The following CERS6 variants were observed in gnomAD, a reference collection of about 807,000 sequenced individuals.
The protein encoded by CERS6 is LAG1 homolog, ceramide synthase 6.
A neutral mutation model predicts 56.8 loss-of-function variants in CERS6; 26 were observed. The ratio of observed to expected loss-of-function variants is 0.46; its 90% confidence interval spans 0.34 to 0.63. CERS6 has a LOEUF of 0.63. Ranked by LOEUF, CERS6 falls within the 30% of genes least tolerant of loss-of-function variation. The pLI is 0.01. For synonymous variants in CERS6, 164 were observed against 173.3 expected, an observed-to-expected ratio of 0.95 and a Z score of 0.42; for missense variants, 415 against 467.5, an observed-to-expected ratio of 0.89 and a Z score of 1.04.
At position 168,756,189 on chromosome 2, in the gene CERS6, C is replaced by T. The variant is rs140764557; in HGVS notation, c.846-9403C>T. ...GAGGATGGGAGGCTGGTTTTATACT[C>T]TTTTAGAAAACTGGAAAAGTAAGTC... On this transcript the variant is annotated intron_variant, in intron 8 of 9. Transcript: ENST00000305747. Among the ~76,000 whole-genome samples the T allele has an allele frequency of 1.7e-3, 264 of 152,280 alleles. 1 individual carries two copies. The highest frequency in any genetic ancestry group is 6.1e-3 in the African/African-American group (255 of 41,566).
At chr2:168,538,826 CTTCT>C (rs549626520) in intron 1 of CERS6, among the ~76,000 whole-genome samples, 69 of 152,320 alleles carry the variant, frequency 4.5e-4, no homozygotes, top group African/African-American at 1.6e-3. Flanking sequence ...TGTGGCCTTT[CTTCT>C]TTGTCTGACA....
intron 4 of CERS6, among the ~76,000 whole-genome samples, chr2:168,674,161 T>G (rs1194011389): frequency 6.6e-6 from 1 of 152,232 alleles, no homozygotes; most frequent in Non-Finnish European, 1.5e-5. Flanking sequence ...GTCTAAGATG[T>G]TTTTGAGAGA....
chr2:168,594,684 T>C (rs1683754963), intron 3 of CERS6, among the ~76,000 whole-genome samples: 1 of 152,212 alleles, frequency 6.6e-6, no homozygotes, highest in Admixed American at 6.5e-5. Flanking sequence ...GTGTAAGTCC[T>C]GCTTACCCTT....
At chr2:168,460,989 A>G (rs1009019327) in intron 1 of CERS6, among the ~76,000 whole-genome samples, 6 of 152,012 alleles carry the variant, frequency 3.9e-5, no homozygotes, top group Non-Finnish European at 5.9e-5. Context: ...AGCGAGAGAG[A>G]GAGAGAGTGT....
chr2:168,749,141 A>T (rs1574217955), intron 8 of CERS6, among the ~76,000 whole-genome samples: 1 of 152,204 alleles, frequency 6.6e-6, no homozygotes, highest in Non-Finnish European at 1.5e-5. Flanking sequence ...CAGATTTCAC[A>T]GTCCCTAGGC....
chr2:168,603,740 A>G (rs1683988503), intron 3 of CERS6, among the ~76,000 whole-genome samples: 1 of 152,230 alleles, frequency 6.6e-6, no homozygotes, highest in African/African-American at 2.4e-5. Context: ...TTTAAAACCT[A>G]AAACTATGCT....
At chr2:168,580,231 C>T (rs1374153034) in intron 3 of CERS6, among the ~76,000 whole-genome samples, 1 of 152,130 alleles carries the variant, frequency 6.6e-6, no homozygotes, top group Non-Finnish European at 1.5e-5. Context: ...TTAATATAAT[C>T]ATTTTTACAT....
At chr2:168,697,657 A>G (rs1404094807) in intron 6 of CERS6, among the ~76,000 whole-genome samples, 1 of 152,036 alleles carries the variant, frequency 6.6e-6, no homozygotes, top group Admixed American at 6.6e-5. Context: ...AGGCTTACCA[A>G]GCAGAGCCCT....
chr2:168,757,678 G>T (rs1449942145), intron 8 of CERS6, among the ~76,000 whole-genome samples: 1 of 152,100 alleles, frequency 6.6e-6, no homozygotes, highest in Non-Finnish European at 1.5e-5. Context: ...GCTCAGGAGT[G>T]CAAGACCAGC....
At chr2:168,574,855 T>A (rs1298891695) in intron 3 of CERS6, among the ~76,000 whole-genome samples, 2 of 152,218 alleles carry the variant, frequency 1.3e-5, no homozygotes, top group African/African-American at 4.8e-5. Flanking sequence ...GTATAATTAT[T>A]TGGCAGATTT....
chr2:168,537,830 A>AT (rs1450526997), intron 1 of CERS6, among the ~76,000 whole-genome samples: 1 of 152,186 alleles, frequency 6.6e-6, no homozygotes, highest in African/African-American at 2.4e-5. Context: ...CCTACTGGAC[A>AT]TCTCCATTTA....
At chr2:168,471,226 G>A (rs115529703) in intron 1 of CERS6, among the ~76,000 whole-genome samples, 413 of 152,280 alleles carry the variant, frequency 2.7e-3, no homozygotes, top group African/African-American at 9.3e-3. Flanking sequence ...CTGGGTAAAA[G>A]GAATCTCCTC....
intron 4 of CERS6, among the ~76,000 whole-genome samples, chr2:168,660,203 C>A (rs186016540): frequency 6.6e-6 from 1 of 152,286 alleles, no homozygotes; most frequent in African/African-American, 2.4e-5. Context: ...ATGGGCACTG[C>A]CATCAAGTTA....
At chr2:168,755,662 GA>G (rs1262576380) in intron 8 of CERS6, among the ~76,000 whole-genome samples, 1 of 152,260 alleles carries the variant, frequency 6.6e-6, no homozygotes, top group Non-Finnish European at 1.5e-5. Context: ...AGCCAAAATG[GA>G]AGCTATTCCC....
At chr2:168,573,792 C>T (rs747392989) in intron 3 of CERS6, among the ~76,000 whole-genome samples, 1 of 151,940 alleles carries the variant, frequency 6.6e-6, no homozygotes, top group Non-Finnish European at 1.5e-5. Flanking sequence ...TGGAGCAGGC[C>T]CCAATAGTAG....
chr2:168,565,309 G>A (rs1695865272), intron 3 of CERS6, among the ~76,000 whole-genome samples: 2 of 152,116 alleles, frequency 1.3e-5, no homozygotes, highest in Non-Finnish European at 2.9e-5. Flanking sequence ...ACACGTGCCC[G>A]AGCCCCATCC....
intron 4 of CERS6, among the ~76,000 whole-genome samples, chr2:168,637,216 G>A (rs927808423): frequency 6.6e-5 from 10 of 152,128 alleles, no homozygotes; most frequent in African/African-American, 2.4e-4. Flanking sequence ...GGTGGCTCAC[G>A]CCTGTAATCC....
In CERS6 at chr2:168,645,114, AAAATATATAT is replaced by A. The variant is rs1685150254; in HGVS notation, c.465+14074_465+14083del. 1.5e-3 allele frequency among the ~76,000 whole-genome samples: 52 copies of A among 34,352 alleles called. 3 individuals are homozygous for A. Among genetic ancestry groups the A allele is most frequent in the South Asian group, 1.5e-3 (1 of 686 alleles). 22.5% of individuals were successfully genotyped at this position (34,352 alleles called of 152,430 possible). On this transcript the variant is annotated intron_variant, in intron 4 of 9. Transcript: ENST00000305747. ...TTAAAAAAAAAAAAAAAAAAAAAAA[AAAATATATAT>A]ATATATATATATATATATAGAGAGA...
chr2:168,530,997 A>G (rs1183814362), intron 1 of CERS6, among the ~76,000 whole-genome samples: 1 of 152,218 alleles, frequency 6.6e-6, no homozygotes. Context: ...GGTCTTTTCC[A>G]CTTTTAAAAA....
Sources: gnomAD v4.1 joint callset for allele counts (sites outside exome capture counted in the v4.1 genomes callset) on GRCh38, gnomAD v4.1.1 for gene constraint, MANE v1.5 for transcripts, NCBI Gene and HGNC (gene_info 2026-07-23, HGNC 2026-07-21) for gene names.